The following DOCK8 variants were observed in gnomAD, a reference collection of about 807,000 sequenced individuals.
The protein encoded by DOCK8 is dedicator of cytokinesis 8.
A neutral mutation model predicts 245.6 loss-of-function variants in DOCK8; 141 were observed. The ratio of observed to expected loss-of-function variants is 0.57; its 90% CI spans 0.50 to 0.66. The LOEUF is 0.66. DOCK8 is among the 30% of genes least tolerant of loss of function. The probability of loss-of-function intolerance (pLI) is 0.00; values close to 1 mark genes in which losing one functional copy is unlikely to be tolerated. For synonymous variants in DOCK8, 1,168 were observed against 970.2 expected (o/e 1.20, Z -3.79); for missense variants, 2,965 against 2,603.4 (o/e 1.14, Z -3.02).
At chr9:215,517 C>T (rs1452806664) in intron 1 of DOCK8, 5 of 1,334,462 alleles carry the variant, frequency 3.7e-6, no homozygotes, top group African/African-American at 3.1e-5. Flanking sequence ...GCTCCGTCCT[C>T]GCCTGCTTCA....
intron 14 of DOCK8, 142 bp downstream of exon 14, chr9:340,463 A>G (rs2051529394): frequency 1.8e-6 from 2 of 1,090,728 alleles, no homozygotes; most frequent in African/African-American, 1.6e-5. Context: ...TCTACAACAT[A>G]TACAAAATTT....
In DOCK8 at chr9:225,387, G is replaced by C. The variant is rs147625880; in HGVS notation, c.53+10358G>C. On this transcript the variant is annotated intron_variant, in intron 1 of 47. Coordinates refer to ENST00000432829, the MANE Select transcript of DOCK8 (RefSeq NM_203447.4). ...CCTGGTGGGAAGAATAGTTAGCAGTGTGCAGAAGGCATTGGAAGGGATTCC... is the reference window on the plus strand; with the variant it reads ...CCTGGTGGGAAGAATAGTTAGCAGTCTGCAGAAGGCATTGGAAGGGATTCC... 3.9e-5 allele frequency among the ~76,000 whole-genome samples: 6 copies of C among 152,324 alleles called. No homozygotes were observed. In the South Asian group the frequency reaches 8.3e-4, roughly 21 times the overall value.
intron 18 of DOCK8, among the ~76,000 whole-genome samples, chr9:373,677 CTTCCGGCTGT>C (rs1393744182): frequency 6.6e-6 from 1 of 152,228 alleles, no homozygotes; most frequent in Non-Finnish European, 1.5e-5. Context: ...TACCGTCTCA[CTTCCGGCTGT>C]TTTCCTCTTA....
At chr9:361,223 G>A (rs568513341) in intron 14 of DOCK8, among the ~76,000 whole-genome samples, 141 of 152,220 alleles carry the variant, frequency 9.3e-4, no homozygotes, top group African/African-American at 3.2e-3. Context: ...GAGAGACATA[G>A]AGACTGGGAG....
chr9:286,798 A>G (rs1338197402), intron 3 of DOCK8, among the ~76,000 whole-genome samples, 162 bp downstream of exon 3: 3 of 152,200 alleles, frequency 2.0e-5, no homozygotes, highest in Non-Finnish European at 2.9e-5. Context: ...GTAAGTATAG[A>G]TAGTTTTTAA....
rs528300459 is a variant in DOCK8 at position 330,926 on chromosome 9, C to T, written c.1045-1472C>T. On this transcript the variant is annotated intron_variant, in intron 9 of 47. Transcript: ENST00000432829. ...CAGCCAGGGCATAGTATCTGCTGGT[C>T]TGGTCAAATCTGACTTCTCCTGCTT... Among the ~76,000 whole-genome samples, 39 of 152,304 alleles carry T rather than the reference C, an allele frequency of 2.6e-4. 1 individual carries two copies. The highest frequency in any genetic ancestry group is 9.1e-4 in the African/African-American group (38 of 41,562).
At chr9:337,057 C>T (rs1213854244) in intron 12 of DOCK8, among the ~76,000 whole-genome samples, 1 of 151,966 alleles carries the variant, frequency 6.6e-6, no homozygotes, top group Non-Finnish European at 1.5e-5. Context: ...TCTTATAAAG[C>T]CACCAGTTCC....
chr9:396,979 C>G, intron 25 of DOCK8, 45 bp downstream of exon 25: 2 of 1,564,180 alleles, frequency 1.3e-6, no homozygotes, highest in Non-Finnish European at 1.8e-6. Context: ...TTACCTGGAA[C>G]ATATATTACT....
chr9:214,094 A>G (rs2046676361), upstream of DOCK8: 1 of 193,596 alleles, frequency 5.2e-6, no homozygotes. Flanking sequence ...GAGTATATAT[A>G]GCACAGGTTA....
intron 4 of DOCK8, among the ~76,000 whole-genome samples, chr9:295,121 T>G (rs1023107024): frequency 1.5e-4 from 23 of 151,448 alleles, no homozygotes; most frequent in African/African-American, 5.1e-4. Context: ...GATCATGCCA[T>G]TGTACTCCAG....
At chr9:364,690 T>C (rs1210044539) in intron 14 of DOCK8, among the ~76,000 whole-genome samples, 2 of 147,242 alleles carry the variant, frequency 1.4e-5, no homozygotes, top group Non-Finnish European at 3.0e-5. Context: ...AAAGGCTAAA[T>C]GGAAATGTGT....
At chr9:309,677 TTTG>T (rs1350036507) in intron 5 of DOCK8, among the ~76,000 whole-genome samples, 3 of 152,208 alleles carry the variant, frequency 2.0e-5, no homozygotes, top group Admixed American at 6.5e-5. Flanking sequence ...TTTTTTCCTT[TTTG>T]TTGTTGTTGC....
chr9:246,930 T>A (rs1320924191), intron 1 of DOCK8, among the ~76,000 whole-genome samples: 2 of 152,134 alleles, frequency 1.3e-5, no homozygotes, highest in African/African-American at 4.8e-5. Flanking sequence ...TGTCAACTTT[T>A]AAATGAGATC....
intron 1 of DOCK8, among the ~76,000 whole-genome samples, chr9:255,667 C>G (rs10812059): frequency 0.031 from 1,267 of 41,206 alleles, 141 homozygotes; most frequent in East Asian, 0.23. Flanking sequence ...GACTCCATCT[C>G]CAAAAAAAAA....
At position 355,779 on chromosome 9, in the gene DOCK8, C is replaced by G. The variant is rs144065854; in HGVS notation, c.1680-12239C>G. On this transcript the variant is annotated intron_variant, in intron 14 of 47. Coordinates refer to ENST00000432829, the MANE Select transcript of DOCK8 (RefSeq NM_203447.4). The stretch of plus-strand genomic sequence containing the variant: ...ACAGCACCCCAGCACCTTGTACACC[C>G]TATTCCTCCCTAACTCCCAACCGCA... Among the ~76,000 whole-genome samples, 94 of 152,288 alleles carry G rather than the reference C, an allele frequency of 6.2e-4. 2 individuals carry two copies. The highest frequency in any genetic ancestry group is 2.1e-3 in the African/African-American group (88 of 41,558).
At chr9:320,212 T>G (rs370384422) in intron 7 of DOCK8, among the ~76,000 whole-genome samples, 467 of 18,628 alleles carry the variant, frequency 0.025, 1 homozygote, top group African/African-American at 0.034. Flanking sequence ...GCTCAAAACC[T>G]GACCGAACAC....
Position 432,574 on chromosome 9 carries a change from A to G in DOCK8, c.4785+250A>G, listed in dbSNP as rs531396942. On this transcript the variant is annotated intron_variant, in intron 37 of 47. Transcript: ENST00000432829. ...AGTCTCAAAACAATTAGGAGGCAGTACAAGACAAGTGATACATAAGTGCAA... is the reference window on the plus strand; with the variant it reads ...AGTCTCAAAACAATTAGGAGGCAGTGCAAGACAAGTGATACATAAGTGCAA... Among the ~76,000 whole-genome samples the G allele has an allele frequency of 3.9e-4, 60 of 152,310 alleles. 1 individual carries two copies. Among genetic ancestry groups the G allele is most frequent in the African/African-American group, 1.4e-3 (58 of 41,574 alleles).
chr9:276,487 TA>T (rs2048352470), intron 2 of DOCK8, among the ~76,000 whole-genome samples: 1 of 152,186 alleles, frequency 6.6e-6, no homozygotes, highest in African/African-American at 2.4e-5. Context: ...TCTAAGTAGA[TA>T]AAATATTTTC....
Position 334,214 on chromosome 9 carries a change from T to C in DOCK8, c.1126-11T>C, listed in dbSNP as rs775831662. 6.2e-7 allele frequency: 1 copy of C among 1,614,064 alleles called. No homozygotes were observed. The highest frequency in any genetic ancestry group is 1.7e-5 in the Admixed American group (1 of 60,018). On this transcript the variant is annotated splice_polypyrimidine_tract_variant and intron_variant, in intron 10 of 47. Transcript: ENST00000432829. ...GCTTGTTTCAGCTTGTTTCTTTCCA[T>C]TTTCCTCCAGAGTAAAGAAAAGATT... is the stretch of plus-strand genomic sequence containing the variant.
Sources: allele counts gnomAD v4.1 joint callset (sites outside exome capture counted in the v4.1 genomes callset), GRCh38; gene constraint gnomAD v4.1.1; transcripts MANE v1.5; gene names NCBI Gene and HGNC (gene_info 2026-07-23, HGNC 2026-07-21).